Variants in ATRN observed in about 807,000 individuals in gnomAD.
The protein encoded by ATRN is attractin-2.
ATRN carries 54 observed loss-of-function variants against 178.7 expected under a neutral mutation model. The ratio of observed to expected loss-of-function variants is 0.30; its 90% CI spans 0.24 to 0.38. ATRN has a LOEUF of 0.38. Among genes scored for constraint, ATRN ranks in the 10% least tolerant of loss-of-function variants. The pLI is 1.00. For missense variants in ATRN, 1,443 were observed against 1,815.1 expected (o/e 0.79, Z 3.73); for synonymous variants, 636 against 663.0 (o/e 0.96, Z 0.63).
rs114592355 is a variant in ATRN at position 3,587,651 on chromosome 20, G to T, written c.3184+2771G>T. On this transcript the variant is annotated intron_variant, in intron 18 of 28. Transcript: ENST00000262919. Reference sequence around the variant, plus strand: ...GTGGCTTTGTATAAGTTTTAAAATTGGGAAGGCTAAGTCCTCCACCTTTGT... The same window carrying T: ...GTGGCTTTGTATAAGTTTTAAAATTTGGAAGGCTAAGTCCTCCACCTTTGT... 6.9e-3 allele frequency among the ~76,000 whole-genome samples: 1,049 copies of T among 152,162 alleles called. 15 individuals are homozygous for T. The highest frequency in any genetic ancestry group is 0.024 in the African/African-American group (989 of 41,514).
At position 3,563,193 on chromosome 20, in the gene ATRN, TA is replaced by T; in HGVS notation, c.1632-13del. On this transcript the variant is annotated splice_polypyrimidine_tract_variant and intron_variant, in intron 9 of 28. Coordinates refer to ENST00000262919, the MANE Select transcript of ATRN (RefSeq NM_139321.3). ...AAACTAACCTTGTATTTATTATTTC[TA>T]AATAAACTCAAAAGGACCATTCTTA... 1 of 1,595,808 alleles carries T rather than the reference TA, an allele frequency of 6.3e-7. No homozygotes were observed. Among genetic ancestry groups the T allele is most frequent in the Non-Finnish European group, 8.6e-7 (1 of 1,168,102 alleles).
intron 24 of ATRN, among the ~76,000 whole-genome samples, chr20:3,605,237 T>C (rs1300366092): frequency 2.0e-5 from 3 of 152,158 alleles, no homozygotes; most frequent in Non-Finnish European, 2.9e-5. Flanking sequence ...ATGTCTGTTA[T>C]TAAAAAGTCA....
At chr20:3,489,871 C>T in intron 1 of ATRN, 1 of 1,301,062 alleles carries the variant, frequency 7.7e-7, no homozygotes, top group African/African-American at 1.5e-5. Flanking sequence ...ATGCGTTTGC[C>T]ATCCCAGCCA....
intron 26 of ATRN, among the ~76,000 whole-genome samples, chr20:3,635,901 G>A (rs534476958): frequency 6.6e-5 from 10 of 152,178 alleles, no homozygotes; most frequent in African/African-American, 2.2e-4. Context: ...AATGAATTAC[G>A]TGATGTTCTG....
intron 1 of ATRN, among the ~76,000 whole-genome samples, chr20:3,527,986 T>C (rs1293095020): frequency 1.3e-5 from 2 of 151,508 alleles, no homozygotes. Flanking sequence ...GCTTGATGGG[T>C]GCGGCAAACC....
intron 3 of ATRN, among the ~76,000 whole-genome samples, chr20:3,543,655 G>T (rs1012000151): frequency 6.6e-6 from 1 of 151,880 alleles, no homozygotes; most frequent in Non-Finnish European, 1.5e-5. Context: ...AACCAGGGAG[G>T]TGGAGGTTGC....
intron 3 of ATRN, among the ~76,000 whole-genome samples, chr20:3,542,076 A>C (rs151526): frequency 0.23 from 34,354 of 152,194 alleles, 4,400 homozygotes; most frequent in African/African-American, 0.32. Flanking sequence ...GTTCACTTAC[A>C]AGGCCAAAGA....
At chr20:3,626,786 T>TTC (rs2086944140) in intron 25 of ATRN, among the ~76,000 whole-genome samples, 2 of 148,598 alleles carry the variant, frequency 1.3e-5, no homozygotes, top group African/African-American at 5.0e-5. Context: ...TATTTCTTTT[T>TTC]TTTTTTTTTT....
chr20:3,483,374 TCTCA>T (rs1357541447), intron 1 of ATRN, among the ~76,000 whole-genome samples: 4 of 151,958 alleles, frequency 2.6e-5, no homozygotes, highest in African/African-American at 7.3e-5. Context: ...TGTGACAGGG[TCTCA>T]CTCTATGAAC....
At chr20:3,537,559 C>T (rs73608173) in intron 2 of ATRN, among the ~76,000 whole-genome samples, 34 of 149,186 alleles carry the variant, frequency 2.3e-4, no homozygotes, top group South Asian at 1.1e-3. Context: ...ATGTGCACAA[C>T]GTGCAGGTTT....
rs369499732 is a variant in ATRN at position 3,609,173 on chromosome 20, A to G, written c.3801+4911A>G. On this transcript the variant is annotated intron_variant, in intron 24 of 28. Transcript: ENST00000262919. ...GTCCACAAATGTGGTGTCTCTTTCA[A>G]TTTTTTTGTGACCTCTTCAATTTCT... is the stretch of plus-strand genomic sequence containing the variant. Among the ~76,000 whole-genome samples the G allele has an allele frequency of 1.6e-4, 24 of 151,828 alleles. No homozygotes were observed. In the South Asian group the frequency reaches 2.9e-3, roughly 18 times the overall value.
chr20:3,524,432 A>G (rs2085337226), intron 1 of ATRN, among the ~76,000 whole-genome samples: 2 of 152,212 alleles, frequency 1.3e-5, no homozygotes, highest in Admixed American at 6.5e-5. Flanking sequence ...TTAGAGACCT[A>G]CAAAGACACT....
At chr20:3,631,362 C>T (rs933093899) in intron 25 of ATRN, among the ~76,000 whole-genome samples, 35 of 151,956 alleles carry the variant, frequency 2.3e-4, no homozygotes, top group Admixed American at 1.3e-4. Flanking sequence ...GAACAAAAGT[C>T]GGGGGGAAAT....
In ATRN at chr20:3,583,881, T is replaced by G; in HGVS notation, c.2765-17T>G. 1 of 1,610,072 alleles carries G rather than the reference T, an allele frequency of 6.2e-7. No homozygotes were observed. The highest frequency in any genetic ancestry group is 8.5e-7 in the Non-Finnish European group (1 of 1,176,766). On this transcript the variant is annotated splice_polypyrimidine_tract_variant and intron_variant, in intron 16 of 28. Coordinates refer to ENST00000262919, the MANE Select transcript of ATRN (RefSeq NM_139321.3). Reference sequence around the variant, plus strand: ...ATGGTGGGAGCTCTAAGTGTCTCTCTTGGGTTTCATTCCCAGCAAACCACA... The same window carrying G: ...ATGGTGGGAGCTCTAAGTGTCTCTCGTGGGTTTCATTCCCAGCAAACCACA...
intron 25 of ATRN, among the ~76,000 whole-genome samples, chr20:3,625,004 ATTTTC>A (rs1180022936): frequency 6.6e-6 from 1 of 152,000 alleles, no homozygotes. Flanking sequence ...GTGCCCTGGG[ATTTTC>A]TTTTATTTCC....
At chr20:3,516,892 G>A (rs2085212743) in intron 1 of ATRN, among the ~76,000 whole-genome samples, 1 of 151,824 alleles carries the variant, frequency 6.6e-6, no homozygotes, top group Admixed American at 6.6e-5. Flanking sequence ...ATCATTGATG[G>A]GCATTTGGGT....
At chr20:3,543,823 A>C (rs920380996) in intron 3 of ATRN, among the ~76,000 whole-genome samples, 1 of 152,154 alleles carries the variant, frequency 6.6e-6, no homozygotes, top group Admixed American at 6.5e-5. Flanking sequence ...ACTTGATCCC[A>C]GGAGTTCAAG....
intron 12 of ATRN, among the ~76,000 whole-genome samples, chr20:3,574,980 CA>C (rs1474229216): frequency 6.8e-6 from 1 of 146,798 alleles, no homozygotes. Flanking sequence ...TTTTTTCAGA[CA>C]GAGTCTCACT....
chr20:3,636,822 C>A lies in ATRN; in HGVS notation c.3943-2006C>A, dbSNP rs73893056. Among the ~76,000 whole-genome samples the A allele has an allele frequency of 6.2e-3, 946 of 152,252 alleles. 7 individuals carry two copies. The highest frequency in any genetic ancestry group is 0.021 in the African/African-American group (873 of 41,540). On this transcript the variant is annotated intron_variant, in intron 26 of 28. Transcript: ENST00000262919. Reference sequence around the variant, plus strand: ...CCAAGTTCGTTATCTTCGTGTAATCCTACAGTCATTCAGCTTTGTGCTAGA... The same window carrying A: ...CCAAGTTCGTTATCTTCGTGTAATCATACAGTCATTCAGCTTTGTGCTAGA...
Sources: allele counts gnomAD v4.1 joint callset (sites outside exome capture counted in the v4.1 genomes callset), GRCh38; gene constraint gnomAD v4.1.1; transcripts MANE v1.5; gene names NCBI Gene and HGNC (gene_info 2026-07-23, HGNC 2026-07-21).